Variants in CELF2 observed in about 807,000 individuals in gnomAD.
The protein encoded by CELF2 is CUGBP Elav-like family member 2.
A neutral mutation model predicts 62.6 loss-of-function variants in CELF2; 8 were observed. The ratio of observed to expected loss-of-function variants is 0.13; its 90% CI spans 0.07 to 0.23. The LOEUF (loss-of-function observed/expected upper bound fraction) is 0.23, where lower values mean the gene tolerates loss of function less well. Among genes scored for constraint, CELF2 ranks in the 10% least tolerant of loss-of-function variants. The probability of loss-of-function intolerance (pLI) is 1.00; values close to 1 mark genes in which losing one functional copy is unlikely to be tolerated. For missense variants in CELF2, 333 were observed against 671.0 expected (o/e 0.50, Z 5.56); for synonymous variants, 258 against 250.0 (o/e 1.03, Z -0.30).
chr10:11,057,226 TG>T (rs2065476043), intron 1 of CELF2, among the ~76,000 whole-genome samples: 1 of 145,922 alleles, frequency 6.9e-6, no homozygotes, highest in African/African-American at 2.5e-5. Context: ...TGAGCCAGTG[TG>T]GGTCATACGA....
intron 1 of CELF2, among the ~76,000 whole-genome samples, chr10:10,854,259 A>T (rs2132904120): frequency 6.6e-6 from 1 of 152,302 alleles, no homozygotes; most frequent in South Asian, 2.1e-4. Context: ...GAGCTGAACC[A>T]ACCTAAGGAA....
intron 4 of CELF2, among the ~76,000 whole-genome samples, chr10:11,251,375 TTTG>T (rs955002265): frequency 6.8e-6 from 1 of 146,966 alleles, no homozygotes; most frequent in Non-Finnish European, 1.5e-5. Context: ...TGCAGAGTGT[TTTG>T]TTGTTCTTTC....
chr10:11,015,081 C>G (rs1487313258), upstream of CELF2, among the ~76,000 whole-genome samples: 1 of 152,186 alleles, frequency 6.6e-6, no homozygotes, highest in Non-Finnish European at 1.5e-5. The surrounding 1 kb of genome is among the most constrained non-coding windows in gnomAD (Gnocchi z 4.8). Flanking sequence ...CTTCATTGAA[C>G]CCGAGCGTTC....
At chr10:11,209,417 C>T (rs1424888762) in intron 2 of CELF2, among the ~76,000 whole-genome samples, 1 of 151,618 alleles carries the variant, frequency 6.6e-6, no homozygotes, top group Non-Finnish European at 1.5e-5. Context: ...GGATTTTGGG[C>T]TAAAAAAAGG....
the CELF2 span, among the ~76,000 whole-genome samples, chr10:10,716,568 T>C: frequency 6.6e-6 from 1 of 152,224 alleles, no homozygotes; most frequent in African/African-American, 2.4e-5. Flanking sequence ...TCATTGAGAA[T>C]GAACATTTAA....
At chr10:10,671,188 A>G in the CELF2 span, among the ~76,000 whole-genome samples, 24 of 148,306 alleles carry the variant, frequency 1.6e-4, no homozygotes, top group Admixed American at 5.3e-4. Flanking sequence ...AAAAAAGAGA[A>G]AAGAATTATC....
At chr10:10,706,458 C>T in the CELF2 span, among the ~76,000 whole-genome samples, 1 of 152,190 alleles carries the variant, frequency 6.6e-6, no homozygotes, top group Non-Finnish European at 1.5e-5. Context: ...CGTCAGCATC[C>T]TCTATCAACA....
the CELF2 span, among the ~76,000 whole-genome samples, chr10:10,660,542 A>G: frequency 6.6e-6 from 1 of 152,182 alleles, no homozygotes; most frequent in Non-Finnish European, 1.5e-5. Flanking sequence ...TGCTATGCCT[A>G]GTACAGTACT....
intron 2 of CELF2, among the ~76,000 whole-genome samples, chr10:10,981,437 G>A (rs2052088873): frequency 6.6e-6 from 1 of 152,214 alleles, no homozygotes; most frequent in Non-Finnish European, 1.5e-5. Flanking sequence ...CAAGGTTGAA[G>A]AATCCGCAGC....
At chr10:11,033,227 A>G (rs2139002772) in intron 1 of CELF2, among the ~76,000 whole-genome samples, 1 of 151,380 alleles carries the variant, frequency 6.6e-6, no homozygotes, top group Non-Finnish European at 1.5e-5. Context: ...TCTTTCTGTG[A>G]ATCACAAATA....
chr10:10,520,455 AT>A, the CELF2 span, among the ~76,000 whole-genome samples: 1 of 152,196 alleles, frequency 6.6e-6, no homozygotes, highest in Non-Finnish European at 1.5e-5. Flanking sequence ...AGAGCCAAAT[AT>A]TCCTGTTCTC....
the CELF2 span, among the ~76,000 whole-genome samples, chr10:10,470,898 TTC>T: frequency 6.6e-6 from 1 of 151,428 alleles, no homozygotes; most frequent in African/African-American, 2.4e-5. Flanking sequence ...TTTAGTACTT[TTC>T]TCTTTTTCTA....
At position 11,011,625 on chromosome 10, in the gene CELF2, G is replaced by GATT. The variant is rs1364286556; in HGVS notation, c.53+6187_53+6189dup. Among the ~76,000 whole-genome samples, 1 of 151,546 alleles carries GATT rather than the reference G, an allele frequency of 6.6e-6. No homozygotes were observed. Among genetic ancestry groups the GATT allele is most frequent in the Non-Finnish European group, 1.5e-5 (1 of 67,966 alleles). ...TAAAGAGGAAATTGAGAAGTGAAGT[G>GATT]ATTAGGTCACATGACACTTTGTACT... On this transcript the variant is annotated intron_variant, in intron 1 of 12. Coordinates refer to the CELF2 transcript ENST00000416382. The surrounding 1 kb of genome is among the most constrained non-coding windows in gnomAD (Gnocchi z 4.6).
the CELF2 span, among the ~76,000 whole-genome samples, chr10:10,698,111 T>C: frequency 6.6e-6 from 1 of 152,316 alleles, no homozygotes; most frequent in Non-Finnish European, 1.5e-5. Context: ...CTTCAGACCT[T>C]AGCAGGTGGT....
chr10:10,950,798 C>T (rs980589404), intron 2 of CELF2, among the ~76,000 whole-genome samples: 4 of 152,234 alleles, frequency 2.6e-5, no homozygotes, highest in African/African-American at 9.6e-5. Flanking sequence ...CAGCTATCAG[C>T]ATGTATTAAA....
At chr10:11,144,245 GA>G (rs199988112) in intron 1 of CELF2, among the ~76,000 whole-genome samples, 2 of 151,622 alleles carry the variant, frequency 1.3e-5, no homozygotes, top group African/African-American at 2.4e-5. Flanking sequence ...GAGTAAGAAG[GA>G]AAAAAAACCG....
intron 2 of CELF2, among the ~76,000 whole-genome samples, chr10:10,963,054 G>C (rs2049716033): frequency 6.8e-6 from 1 of 147,510 alleles, no homozygotes; most frequent in African/African-American, 2.6e-5. Flanking sequence ...GTTTTGTTTT[G>C]TTTTGTGATG....
the CELF2 span, among the ~76,000 whole-genome samples, chr10:10,742,003 C>T: frequency 6.6e-6 from 1 of 152,124 alleles, no homozygotes. Flanking sequence ...GCATTTATAA[C>T]AGTATGAACC....
intron 8 of CELF2, among the ~76,000 whole-genome samples, chr10:11,279,164 G>A (rs914391897): frequency 6.6e-6 from 1 of 152,216 alleles, no homozygotes; most frequent in Non-Finnish European, 1.5e-5. Context: ...CAGAGGTTCT[G>A]AAGCTGCGGC....
Sources: gnomAD v4.1 joint callset for allele counts (sites outside exome capture counted in the v4.1 genomes callset) on GRCh38, gnomAD v4.1.1 for gene constraint, Gnocchi (gnomAD v3.1) non-coding constraint, MANE v1.5 for transcripts, NCBI Gene and HGNC (gene_info 2026-07-23, HGNC 2026-07-21) for gene names.